WDPCP: variants seen among roughly 807,000 people sequenced by gnomAD.
WDPCP encodes the protein WD repeat-containing and planar cell polarity effector protein fritz homolog.
In WDPCP, 71 loss-of-function variants were observed where a neutral mutation model predicts 93.1. The observed-to-expected ratio is 0.76, with a 90% CI of 0.63 to 0.93. WDPCP has a LOEUF of 0.93. Ranked by LOEUF, WDPCP falls within the 40% of genes least tolerant of loss-of-function variation. The pLI is 0.00. For missense variants in WDPCP, 844 were observed against 887.4 expected, an observed-to-expected ratio of 0.95 and a Z score of 0.62; for synonymous variants, 315 against 315.0, an observed-to-expected ratio of 1.00 and a Z score of 0.00.
At position 63,148,432 on chromosome 2, in the gene WDPCP, T is replaced by C. The variant is rs139905847; in HGVS notation, c.2190+4482A>G. 0.011 allele frequency among the ~76,000 whole-genome samples: 1,602 copies of C among 152,312 alleles called. 19 individuals are homozygous for C. The Middle Eastern group carries it at 0.11, about 10-fold the overall frequency. ...TTTCCTCACTGCAACCTCTGCCTCC[T>C]GGGTTGAAACGATTCTTGTGTCTCA... On this transcript the variant is annotated intron_variant, in intron 17 of 17. Coordinates refer to ENST00000272321, the MANE Select transcript of WDPCP (RefSeq NM_015910.7).
chr2:63,258,445 C>T (rs1203005209), intron 14 of WDPCP, among the ~76,000 whole-genome samples: 1 of 152,152 alleles, frequency 6.6e-6, no homozygotes, highest in Non-Finnish European at 1.5e-5. Flanking sequence ...CAGAGAGAAG[C>T]TGACAATTGG....
intron 13 of WDPCP, among the ~76,000 whole-genome samples, chr2:63,285,766 T>TA (rs1683950155): frequency 6.6e-6 from 1 of 152,130 alleles, no homozygotes; most frequent in Admixed American, 6.5e-5. Context: ...TAGTAAATAG[T>TA]AAAAATAGAT....
chr2:63,324,501 G>A (rs1687375876), intron 12 of WDPCP, among the ~76,000 whole-genome samples: 1 of 152,156 alleles, frequency 6.6e-6, no homozygotes, highest in African/African-American at 2.4e-5. Flanking sequence ...AGCAGATCAA[G>A]GCAGACCTGG....
intron 12 of WDPCP, among the ~76,000 whole-genome samples, chr2:63,314,163 C>T (rs1279402511): frequency 7.6e-6 from 1 of 131,224 alleles, no homozygotes; most frequent in African/African-American, 3.1e-5. Flanking sequence ...AGGCGTGAGC[C>T]ACTGTGCCTG....
intron 1 of WDPCP, among the ~76,000 whole-genome samples, chr2:63,505,062 TA>T (rs1363571445): frequency 6.6e-6 from 1 of 152,004 alleles, no homozygotes; most frequent in Non-Finnish European, 1.5e-5. Context: ...TGGCACCCAT[TA>T]AGTTCTCAGC....
intron 14 of WDPCP, among the ~76,000 whole-genome samples, chr2:63,216,071 G>C (rs1677308384): frequency 6.6e-6 from 1 of 152,192 alleles, no homozygotes; most frequent in South Asian, 2.1e-4. Context: ...GTGCTGGAGA[G>C]GATGTGGAGA....
At chr2:63,477,580 G>A (rs987284047) in intron 6 of WDPCP, among the ~76,000 whole-genome samples, 1 of 151,980 alleles carries the variant, frequency 6.6e-6, no homozygotes, top group East Asian at 1.9e-4. Flanking sequence ...AGCACGTGGG[G>A]ACACACATCA....
upstream of WDPCP, chr2:63,588,950 G>C (rs1323606219): frequency 6.7e-5 from 106 of 1,579,806 alleles, no homozygotes; most frequent in Non-Finnish European, 9.0e-5. Context: ...CGCTAACACC[G>C]CTCGCCCTCT....
chr2:63,461,154 T>C (rs1377184687), intron 6 of WDPCP, among the ~76,000 whole-genome samples: 2 of 151,264 alleles, frequency 1.3e-5, no homozygotes, highest in African/African-American at 2.4e-5. Flanking sequence ...ATGTAGAATA[T>C]AAGGGATTGA....
chr2:63,182,020 T>G (rs1463776775), intron 14 of WDPCP, among the ~76,000 whole-genome samples: 7 of 152,070 alleles, frequency 4.6e-5, no homozygotes, highest in Non-Finnish European at 8.8e-5. Context: ...AATTTCATAT[T>G]CTGAAACTTT....
At chr2:63,537,348 C>T (rs1177740904) in intron 1 of WDPCP, among the ~76,000 whole-genome samples, 1 of 152,150 alleles carries the variant, frequency 6.6e-6, no homozygotes, top group Non-Finnish European at 1.5e-5. Context: ...GTTTGTATCC[C>T]TGCCTCTAAT....
chr2:63,484,539 C>A (rs1001653866), intron 6 of WDPCP, 65 bp downstream of exon 6: 1 of 1,587,536 alleles, frequency 6.3e-7, no homozygotes, highest in Non-Finnish European at 8.6e-7. Flanking sequence ...CACAAGAATA[C>A]CAATTACTAC....
intron 1 of WDPCP, among the ~76,000 whole-genome samples, chr2:63,533,729 T>C (rs1375468449): frequency 6.6e-6 from 1 of 152,198 alleles, no homozygotes; most frequent in Non-Finnish European, 1.5e-5. Flanking sequence ...GGGAAATTTA[T>C]AGCACTAAAT....
intron 15 of WDPCP, among the ~76,000 whole-genome samples, chr2:63,173,833 T>C (rs988165556): frequency 1.3e-5 from 2 of 152,218 alleles, no homozygotes; most frequent in Non-Finnish European, 2.9e-5. Context: ...GAGGGTATTA[T>C]AGGTGGGTAT....
intron 1 of WDPCP, among the ~76,000 whole-genome samples, chr2:63,532,830 T>A (rs541186368): frequency 6.6e-6 from 1 of 152,176 alleles, no homozygotes; most frequent in African/African-American, 2.4e-5. Flanking sequence ...GCTAATATCA[T>A]AATGACAGGA....
intron 3 of WDPCP, chr2:63,643,293 T>C: frequency 2.8e-6 from 1 of 360,682 alleles, no homozygotes. Context: ...TGGCTGCCAG[T>C]CTCTCGTCTC....
At chr2:63,550,232 CACACA>C (rs1705501948) in intron 1 of WDPCP, among the ~76,000 whole-genome samples, 2 of 82,702 alleles carry the variant, frequency 2.4e-5, no homozygotes, top group Non-Finnish European at 4.8e-5. Context: ...CACACACACA[CACACA>C]CACCCTTCCT....
intron 2 of WDPCP, among the ~76,000 whole-genome samples, chr2:63,808,963 T>G (rs1297081497): frequency 6.6e-6 from 1 of 150,582 alleles, no homozygotes; most frequent in Non-Finnish European, 1.5e-5. Context: ...CCTCCCATCA[T>G]CTGAGATGTG....
chr2:63,317,279 G>GC (rs1575126653), intron 12 of WDPCP, among the ~76,000 whole-genome samples: 1 of 151,784 alleles, frequency 6.6e-6, no homozygotes, highest in Non-Finnish European at 1.5e-5. Context: ...GTGGTGGCGG[G>GC]CACCTGTAAT....
Sources: gnomAD v4.1 joint callset for allele counts (sites outside exome capture counted in the v4.1 genomes callset) on GRCh38, gnomAD v4.1.1 for gene constraint, MANE v1.5 for transcripts, NCBI Gene and HGNC (gene_info 2026-07-23, HGNC 2026-07-21) for gene names.